ACSF3: variants seen among roughly 807,000 people sequenced by gnomAD.
ACSF3 encodes acyl-CoA synthetase family member 3.
In ACSF3, 78 loss-of-function variants were observed where a neutral mutation model predicts 53.2. The ratio of observed to expected loss-of-function variants is 1.47; its 90% CI spans 1.22 to 1.77. ACSF3 has a LOEUF of 1.77. ACSF3 is among the 40% of genes most tolerant of loss of function. The probability of loss-of-function intolerance (pLI) is 0.00; values close to 1 mark genes in which losing one functional copy is unlikely to be tolerated. For synonymous variants in ACSF3, 414 were observed against 333.1 expected (o/e 1.24, Z -2.65); for missense variants, 937 against 771.1 (o/e 1.22, Z -2.55).
chr16:89,111,402 C>T (rs1013364309), intron 4 of ACSF3, among the ~76,000 whole-genome samples: 4 of 152,250 alleles, frequency 2.6e-5, no homozygotes, highest in Non-Finnish European at 4.4e-5. Flanking sequence ...GTTTCAACGC[C>T]GTGTGGGCGA....
chr16:89,114,601 C>A, intron 6 of ACSF3, 114 bp downstream of exon 6: 4 of 1,504,072 alleles, frequency 2.7e-6, no homozygotes, highest in South Asian at 1.1e-5. Flanking sequence ...AGGATGCTCC[C>A]CCGTGGGACA....
rs1208467786 is a variant in ACSF3 at position 89,093,944 on chromosome 16, A to T, written c.-246A>T. ...CCCGGCGCGCGCGCGGCGGAGGACG[A>T]GGAAGAGTTGTGGCGAGGCAGATCC... On this transcript the variant is annotated 5_prime_UTR_variant, in exon 1 of 11. Coordinates refer to ENST00000614302, the MANE Select transcript of ACSF3 (RefSeq NM_001243279.3). The T allele has an allele frequency of 3.1e-6, 1 of 326,010 alleles. No homozygotes were observed. The highest frequency in any genetic ancestry group is 2.1e-5 in the South Asian group (1 of 47,204). 20.2% of individuals were successfully genotyped at this position (326,010 alleles called of 1,614,324 possible). A position where few individuals can be genotyped will look rare whatever the true frequency, so the allele number is the denominator to read the frequency against.
intron 8 of ACSF3, chr16:89,141,195 C>T: frequency 1.6e-6 from 2 of 1,287,214 alleles, no homozygotes; most frequent in Non-Finnish European, 2.0e-6. Flanking sequence ...GCTCCGATGC[C>T]TCTGAGCCCT....
Position 89,102,642 on chromosome 16 carries a change from C to G in ACSF3, c.705C>G (p.Asp235Glu). ...GLVHKWAWTK[D>E]DVILHVLPLH... ...TCCACAAGTGGGCATGGACCAAAGA[C>G]GACGTGATCCTCCACGTGCTCCCGC... Residue 235 changes from aspartate (D) to glutamate (E), a missense_variant, in exon 4 of 11, where the codon GAC becomes GAG. Transcript: ENST00000614302. The G allele has an allele frequency of 1.2e-6, 2 of 1,613,868 alleles. No homozygotes were observed. Among genetic ancestry groups the G allele is most frequent in the Non-Finnish European group, 1.7e-6 (2 of 1,180,022 alleles).
Position 89,155,293 on chromosome 16 carries a change from G to T in ACSF3, c.*1086G>T. 4.4e-6 allele frequency: 2 copies of T among 454,000 alleles called. No homozygotes were observed. 28.1% of individuals were successfully genotyped at this position (454,000 alleles called of 1,614,324 possible). ...AGAACATTCTGCCCCCGGAATGCACGTCTGAAAGAGTGGCCAGAAACGAGT... is the reference window on the plus strand; with the variant it reads ...AGAACATTCTGCCCCCGGAATGCACTTCTGAAAGAGTGGCCAGAAACGAGT... On this transcript the variant is annotated 3_prime_UTR_variant, in exon 11 of 11. Transcript: ENST00000614302.
chr16:89,140,793 A>C (rs866335147), intron 8 of ACSF3, among the ~76,000 whole-genome samples: 4 of 152,194 alleles, frequency 2.6e-5, no homozygotes, highest in African/African-American at 7.2e-5. Flanking sequence ...AGAGAATTCA[A>C]ATCTGAGTAT....
Position 89,101,263 on chromosome 16 carries a change from C to A in ACSF3, c.582C>A (p.Asn194Lys), listed in dbSNP as rs746604282. The part of the protein sequence containing the change: ...EVPVPEQGWR[N>K]KGAMIIYTSG... ...CGGTCCCAGAGCAGGGATGGAGGAA[C>A]AAGGGCGCCATGATCATCTACACCA... The change falls in exon 3 of 11, where the codon AAC (asparagine) becomes AAA (lysine). Residue 194 changes from asparagine to lysine, a missense_variant. By Grantham distance (94) the Asn-to-Lys change is moderately conservative. Transcript: ENST00000614302. 3 of 1,601,378 alleles carry A rather than the reference C, an allele frequency of 1.9e-6. No individual in the cohort carries two copies. The South Asian group carries it at 3.3e-5, about 18-fold the overall frequency.
In ACSF3 at chr16:89,145,295, G is replaced by A. The variant is rs1451312853; in HGVS notation, c.1395G>A (p.Gln465=). The A allele has an allele frequency of 6.8e-6, 11 of 1,614,160 alleles. No homozygotes were observed. In the Admixed American group the frequency reaches 8.3e-5, roughly 12 times the overall value. Residue 465 remains glutamine, a synonymous_variant, in exon 9 of 11, where the codon CAG becomes CAA. Coordinates refer to ENST00000614302, the MANE Select transcript of ACSF3 (RefSeq NM_001243279.3). ...TGDTVVFKDG[Q]YWIRGRTSVD... is the part of the protein sequence containing the mutation. ...ACACCGTGGTGTTTAAGGATGGCCA[G>A]TACTGGATCCGAGGCCGGACCTCAG... is the stretch of plus-strand genomic sequence containing the variant.
chr16:89,119,994 A>C (rs1276470987), intron 6 of ACSF3, among the ~76,000 whole-genome samples: 1 of 152,218 alleles, frequency 6.6e-6, no homozygotes, highest in Non-Finnish European at 1.5e-5. Flanking sequence ...AGGAAGTCCC[A>C]CGTCTGCTCT....
At chr16:89,117,667 G>A (rs955480264) in intron 6 of ACSF3, among the ~76,000 whole-genome samples, 1 of 151,738 alleles carries the variant, frequency 6.6e-6, no homozygotes, top group African/African-American at 2.4e-5. Flanking sequence ...CCCAGGGACC[G>A]CCGTCCACAC....
At chr16:89,146,931 G>A (rs1199986584) in intron 10 of ACSF3, among the ~76,000 whole-genome samples, 1 of 152,128 alleles carries the variant, frequency 6.6e-6, no homozygotes, top group Admixed American at 6.5e-5. Context: ...GCAGAGCCAG[G>A]CTGAGCTCAG....
intron 8 of ACSF3, among the ~76,000 whole-genome samples, chr16:89,144,297 A>G (rs1912466961): frequency 6.6e-6 from 1 of 152,254 alleles, no homozygotes; most frequent in African/African-American, 2.4e-5. Flanking sequence ...CTGCACGGGG[A>G]GGAGCAAGGG....
In ACSF3 at chr16:89,136,447, A is replaced by G. The variant is rs887810065; in HGVS notation, c.1366+3185A>G. 5 of 1,137,468 alleles carry G rather than the reference A, an allele frequency of 4.4e-6. No individual in the cohort carries two copies. The African/African-American group carries it at 8.1e-5, about 18-fold the overall frequency. The allele number at this position is 1,137,468 out of a possible 1,614,324, so 70.5% of individuals were successfully genotyped here. ...CACAGGCCATTAGCGATGCTGCTGC[A>G]TAATGAGAGCCTGCAATCAGCTCAC... On this transcript the variant is annotated intron_variant, in intron 8 of 10. Coordinates refer to ENST00000614302, the MANE Select transcript of ACSF3 (RefSeq NM_001243279.3).
rs1451903425 is a variant in ACSF3 at position 89,155,347 on chromosome 16, A to G, written c.*1140A>G. On this transcript the variant is annotated 3_prime_UTR_variant, in exon 11 of 11. Transcript: ENST00000614302. ...CCGGGCAGGAGGCCAGCCCCATCTC[A>G]GGCTCACGTGCCTCTGACAGGAGAC... 1 of 451,702 alleles carries G rather than the reference A, an allele frequency of 2.2e-6. No homozygotes were observed. Among genetic ancestry groups the G allele is most frequent in the East Asian group, 7.0e-5 (1 of 14,326 alleles). The allele number at this position is 451,702 out of a possible 1,614,324, so 28.0% of individuals were successfully genotyped here. A position where few individuals can be genotyped will look rare whatever the true frequency, so the allele number is the denominator to read the frequency against.
At chr16:89,107,621 C>T (rs1371707787) in intron 4 of ACSF3, among the ~76,000 whole-genome samples, 1 of 152,228 alleles carries the variant, frequency 6.6e-6, no homozygotes, top group Non-Finnish European at 1.5e-5. Flanking sequence ...CCATTCTGCT[C>T]TTGAAGGACT....
chr16:89,152,122 G>A (rs1914162326), intron 10 of ACSF3: 2 of 152,264 alleles, frequency 1.3e-5, no homozygotes, highest in Admixed American at 1.3e-4. Flanking sequence ...CCAGGAAGGG[G>A]CGCCTGCCCT....
intron 10 of ACSF3, chr16:89,151,307 T>C (rs2151580412): frequency 4.7e-6 from 2 of 421,718 alleles, no homozygotes; most frequent in Non-Finnish European, 9.5e-6. Context: ...TGATAAATTA[T>C]CTCAAACATT....
intron 5 of ACSF3, among the ~76,000 whole-genome samples, chr16:89,113,012 C>T (rs758168368): frequency 2.0e-5 from 3 of 152,212 alleles, no homozygotes; most frequent in Non-Finnish European, 4.4e-5. Context: ...GTTTGCTCTG[C>T]ACTCTCCCAT....
chr16:89,108,517 TAGC>T (rs1669657522), intron 4 of ACSF3, among the ~76,000 whole-genome samples: 1 of 152,194 alleles, frequency 6.6e-6, no homozygotes, highest in East Asian at 1.9e-4. Flanking sequence ...TTGAATTAAG[TAGC>T]CATTACCTCA....
Sources: allele counts gnomAD v4.1 joint callset (sites outside exome capture counted in the v4.1 genomes callset), GRCh38; gene constraint gnomAD v4.1.1; transcripts MANE v1.5; gene names NCBI Gene and HGNC (gene_info 2026-07-23, HGNC 2026-07-21).